NLGN1: variants seen among roughly 807,000 people sequenced by gnomAD.
NLGN1 encodes the protein neuroligin 1, also known as neuroligin-1.
In NLGN1, 12 loss-of-function variants were observed where a neutral mutation model predicts 65.5. The ratio of observed to expected loss-of-function variants is 0.18; its 90% CI spans 0.12 to 0.30. NLGN1 has a LOEUF of 0.30. NLGN1 is among the 10% of genes least tolerant of loss of function. The pLI is 1.00. For missense variants in NLGN1, 750 were observed against 1,007.1 expected, an observed-to-expected ratio of 0.74 and a Z score of 3.46; for synonymous variants, 350 against 359.5, an observed-to-expected ratio of 0.97 and a Z score of 0.30.
chr3:173,801,469 A>G (rs533322014), intron 3 of NLGN1, among the ~76,000 whole-genome samples: 16 of 152,176 alleles, frequency 1.1e-4, no homozygotes, highest in African/African-American at 2.6e-4. Context: ...AAGGACAGCA[A>G]AAGTTTTGTT....
intron 4 of NLGN1, among the ~76,000 whole-genome samples, chr3:174,052,537 A>T (rs181969073): frequency 3.3e-5 from 5 of 151,994 alleles, no homozygotes; most frequent in African/African-American, 4.8e-5. Context: ...TTACCATAAC[A>T]TTATACTTCA....
intron 4 of NLGN1, among the ~76,000 whole-genome samples, chr3:174,189,646 G>C (rs1276354362): frequency 6.6e-6 from 1 of 151,610 alleles, no homozygotes; most frequent in African/African-American, 2.4e-5. Context: ...GCAACTAATA[G>C]AACTCATTAC....
chr3:173,939,329 G>T (rs1396143491), intron 4 of NLGN1, among the ~76,000 whole-genome samples: 1 of 152,128 alleles, frequency 6.6e-6, no homozygotes, highest in African/African-American at 2.4e-5. Context: ...AGTTAAATCT[G>T]TAGGGAATGA....
intron 4 of NLGN1, among the ~76,000 whole-genome samples, chr3:173,979,044 T>C (rs1433817626): frequency 6.6e-6 from 1 of 151,800 alleles, no homozygotes; most frequent in Non-Finnish European, 1.5e-5. Flanking sequence ...AAAATATCTA[T>C]TTTAATGAGC....
At chr3:174,153,486 T>A (rs556668031) in intron 4 of NLGN1, among the ~76,000 whole-genome samples, 1 of 152,152 alleles carries the variant, frequency 6.6e-6, no homozygotes, top group Non-Finnish European at 1.5e-5. Context: ...CCAGAGGTCT[T>A]GAGCATTATC....
intron 4 of NLGN1, among the ~76,000 whole-genome samples, chr3:173,931,954 A>G (rs775715002): frequency 6.6e-6 from 1 of 152,156 alleles, no homozygotes; most frequent in African/African-American, 2.4e-5. Context: ...GATGCGTCAG[A>G]AAAAAGCAGA....
chr3:174,059,847 T>C (rs1191463661), intron 4 of NLGN1, among the ~76,000 whole-genome samples: 1 of 152,158 alleles, frequency 6.6e-6, no homozygotes, highest in Non-Finnish European at 1.5e-5. Flanking sequence ...TGCTAGAGAT[T>C]TGAACCTGGC....
chr3:173,629,746 G>A (rs894794054), intron 3 of NLGN1, among the ~76,000 whole-genome samples: 2 of 150,084 alleles, frequency 1.3e-5, no homozygotes, highest in African/African-American at 4.9e-5. Flanking sequence ...TTGACACCTT[G>A]TTTAATATTG....
chr3:174,225,624 C>G (rs993224991), intron 4 of NLGN1, among the ~76,000 whole-genome samples: 2 of 151,692 alleles, frequency 1.3e-5, no homozygotes, highest in Non-Finnish European at 2.9e-5. Context: ...CCAGCTACTC[C>G]GGAGCCTGAG....
chr3:174,231,597 T>C (rs1486866024), intron 4 of NLGN1, among the ~76,000 whole-genome samples: 1 of 152,168 alleles, frequency 6.6e-6, no homozygotes, highest in African/African-American at 2.4e-5. Flanking sequence ...AGGCCATATT[T>C]AGTTTGCGGT....
At chr3:173,850,940 T>C (rs1220497375) in intron 4 of NLGN1, among the ~76,000 whole-genome samples, 4 of 151,958 alleles carry the variant, frequency 2.6e-5, no homozygotes, top group Non-Finnish European at 5.9e-5. Context: ...AGATGAAGTC[T>C]TGCCATGTTG....
intron 4 of NLGN1, among the ~76,000 whole-genome samples, chr3:174,097,299 ATATT>A (rs1481990775): frequency 2.0e-5 from 3 of 152,206 alleles, no homozygotes; most frequent in African/African-American, 7.2e-5. Context: ...GAAATCATTC[ATATT>A]TATTCTTCAG....
At chr3:174,058,920 A>G (rs558812771) in intron 4 of NLGN1, among the ~76,000 whole-genome samples, 1 of 152,254 alleles carries the variant, frequency 6.6e-6, no homozygotes, top group South Asian at 2.1e-4. Context: ...GGATCTTGAG[A>G]ACTCAAAGCA....
At chr3:173,528,859 G>T (rs933488553) in intron 2 of NLGN1, among the ~76,000 whole-genome samples, 1 of 152,124 alleles carries the variant, frequency 6.6e-6, no homozygotes, top group Admixed American at 6.5e-5. Context: ...TAGGGTTTCT[G>T]TGTGTTGGTT....
chr3:173,735,012 T>G (rs1320891889), intron 3 of NLGN1, among the ~76,000 whole-genome samples: 1 of 152,118 alleles, frequency 6.6e-6, no homozygotes, highest in Admixed American at 6.6e-5. Context: ...AGAATTAAAC[T>G]TAATGCAGTA....
At chr3:173,442,276 T>C (rs892994584) in intron 2 of NLGN1, among the ~76,000 whole-genome samples, 1 of 152,222 alleles carries the variant, frequency 6.6e-6, no homozygotes, top group African/African-American at 2.4e-5. Context: ...GGGTTTTTCG[T>C]GTATAAAGAG....
chr3:173,502,426 C>G (rs1045187871), intron 2 of NLGN1, among the ~76,000 whole-genome samples: 1 of 152,054 alleles, frequency 6.6e-6, no homozygotes, highest in African/African-American at 2.4e-5. Context: ...TGTGCTGTGT[C>G]AAGCTATGTA....
chr3:174,203,626 A>G (rs1430104119), intron 4 of NLGN1, among the ~76,000 whole-genome samples: 2 of 152,320 alleles, frequency 1.3e-5, no homozygotes, highest in Non-Finnish European at 2.9e-5. Context: ...TGGATGAAAG[A>G]TCAAAGAACA....
chr3:173,676,844 A>G (rs1024810531), intron 3 of NLGN1, among the ~76,000 whole-genome samples: 4 of 152,248 alleles, frequency 2.6e-5, no homozygotes, highest in Admixed American at 6.6e-5. Flanking sequence ...CTTGGACTGT[A>G]GAACAATTCT....
Sources: gnomAD v4.1 joint callset for allele counts (sites outside exome capture counted in the v4.1 genomes callset) on GRCh38, gnomAD v4.1.1 for gene constraint, MANE v1.5 for transcripts, NCBI Gene and HGNC (gene_info 2026-07-23, HGNC 2026-07-21) for gene names.